The following TANC2 variants were observed in gnomAD, a reference collection of about 807,000 sequenced individuals.
TANC2 encodes the protein protein TANC2.
Under a neutral mutation model 210.5 loss-of-function variants are expected in TANC2, and 26 were observed. The observed-to-expected ratio is 0.12, with a 90% confidence interval of 0.09 to 0.17. The LOEUF (loss-of-function observed/expected upper bound fraction) is 0.17, where lower values mean the gene tolerates loss of function less well. TANC2 is among the 10% of genes least tolerant of loss of function. The probability of loss-of-function intolerance (pLI) is 1.00; values close to 1 mark genes in which losing one functional copy is unlikely to be tolerated. For missense variants in TANC2, 2,129 were observed against 2,608.9 expected (o/e 0.82, Z 4.01); for synonymous variants, 931 against 967.1 (o/e 0.96, Z 0.69).
At position 63,182,417 on chromosome 17, in the gene TANC2, C is replaced by A. The variant is rs558786738; in HGVS notation, c.434-11574C>A. The A allele has an allele frequency of 2.5e-4, 65 of 257,906 alleles. No individual in the cohort carries two copies. The East Asian group carries it at 6.1e-3, about 24-fold the overall frequency. The allele number at this position is 257,906 out of a possible 1,614,324, so 16.0% of individuals were successfully genotyped here. ...AAATGGTGGAGGAGGAGTTGGAAGT[C>A]ATTTTGACAGTTCGTTTTAGTTTGG... On this transcript the variant is annotated intron_variant, in intron 5 of 27. Transcript: ENST00000689528.
intron 11 of TANC2, among the ~76,000 whole-genome samples, chr17:63,331,814 A>G (rs1432305821): frequency 6.6e-6 from 1 of 151,756 alleles, no homozygotes; most frequent in African/African-American, 2.4e-5. Flanking sequence ...AATGAAGCCT[A>G]CAGTTTTACT....
intron 14 of TANC2, among the ~76,000 whole-genome samples, chr17:63,379,210 G>A (rs2047523965): frequency 6.6e-6 from 1 of 152,160 alleles, no homozygotes; most frequent in African/African-American, 2.4e-5. Context: ...CTGACATTTT[G>A]TGGTATTTAT....
intron 2 of TANC2, among the ~76,000 whole-genome samples, chr17:63,062,229 G>A (rs1363252361): frequency 6.6e-6 from 1 of 152,072 alleles, no homozygotes; most frequent in Non-Finnish European, 1.5e-5. Context: ...GTATGTATAA[G>A]GAGACATGTC....
intron 3 of TANC2, among the ~76,000 whole-genome samples, chr17:63,078,550 T>C (rs1023890801): frequency 6.6e-6 from 1 of 152,200 alleles, no homozygotes; most frequent in African/African-American, 2.4e-5. Flanking sequence ...TTTAGTGTTA[T>C]AAATTTCTGT....
intron 14 of TANC2, among the ~76,000 whole-genome samples, chr17:63,370,232 G>A (rs1401349636): frequency 2.9e-5 from 4 of 137,692 alleles, no homozygotes; most frequent in African/African-American, 1.1e-4. Context: ...AGGCTGGAAT[G>A]CAGTGGTGCA....
At chr17:63,226,047 C>A (rs1469112764) in intron 7 of TANC2, among the ~76,000 whole-genome samples, 1 of 152,136 alleles carries the variant, frequency 6.6e-6, no homozygotes, top group Non-Finnish European at 1.5e-5. Flanking sequence ...AGTAGACTTG[C>A]ACTAGATCTT....
chr17:63,092,653 C>T (rs928540725), intron 3 of TANC2, among the ~76,000 whole-genome samples: 1 of 151,940 alleles, frequency 6.6e-6, no homozygotes, highest in African/African-American at 2.4e-5. Context: ...GGGGAAGCCA[C>T]CTTCTCACAT....
intron 8 of TANC2, among the ~76,000 whole-genome samples, chr17:63,253,118 G>A (rs1012672459): frequency 6.6e-6 from 1 of 152,124 alleles, no homozygotes; most frequent in Non-Finnish European, 1.5e-5. Flanking sequence ...ATCTTTGCCA[G>A]CATTCATTAT....
intron 4 of TANC2, among the ~76,000 whole-genome samples, chr17:63,112,692 A>G (rs1413753683): frequency 2.0e-5 from 3 of 152,230 alleles, no homozygotes; most frequent in African/African-American, 4.8e-5. Context: ...GAATACAGAA[A>G]TGTGTGTAGA....
intron 9 of TANC2, among the ~76,000 whole-genome samples, chr17:63,275,356 T>C (rs1283217810): frequency 6.6e-6 from 1 of 152,180 alleles, no homozygotes; most frequent in Non-Finnish European, 1.5e-5. Flanking sequence ...CAAATGATAG[T>C]CTGATTCATT....
intron 7 of TANC2, among the ~76,000 whole-genome samples, chr17:63,204,954 A>G (rs2041652521): frequency 6.6e-6 from 1 of 151,834 alleles, no homozygotes; most frequent in Non-Finnish European, 1.5e-5. Flanking sequence ...GCGTGGTAGC[A>G]GGAGCCTGTA....
At chr17:63,214,807 A>G (rs1028849354) in intron 7 of TANC2, among the ~76,000 whole-genome samples, 4 of 152,218 alleles carry the variant, frequency 2.6e-5, no homozygotes, top group Admixed American at 1.3e-4. Flanking sequence ...CAAACCCAGT[A>G]CAGTCCAACC....
At chr17:63,306,852 G>A (rs1194891392) in intron 9 of TANC2, among the ~76,000 whole-genome samples, 2 of 152,160 alleles carry the variant, frequency 1.3e-5, no homozygotes, top group Non-Finnish European at 2.9e-5. Flanking sequence ...TACTTGGGAG[G>A]CTAAGGCAGG....
intron 7 of TANC2, among the ~76,000 whole-genome samples, chr17:63,214,586 A>T (rs1202988754): frequency 6.6e-6 from 1 of 152,238 alleles, no homozygotes; most frequent in East Asian, 1.9e-4. Context: ...GTGAGGGCTC[A>T]TCCCTTGTAG....
rs1258697414 is a variant in TANC2, at chr17:63,418,160, G to A, written c.4168-147G>A. 1.3e-5 allele frequency: 10 copies of A among 775,926 alleles called. No individual in the cohort carries two copies. The highest frequency in any genetic ancestry group is 8.7e-5 in the African/African-American group (5 of 57,446). The allele number at this position is 775,926 out of a possible 1,614,324, so 48.1% of individuals were successfully genotyped here. A position where few individuals can be genotyped will look rare whatever the true frequency, so the allele number is the denominator to read the frequency against. ...AAGGAACTTTCAGTCCACAGGCCACGCGGCTTGAGCCATGTCAGGCACGTC... is the reference window on the plus strand; with the variant it reads ...AAGGAACTTTCAGTCCACAGGCCACACGGCTTGAGCCATGTCAGGCACGTC... On this transcript the variant is annotated intron_variant, in intron 26 of 27. Coordinates refer to ENST00000689528, the Ensembl canonical transcript of TANC2. This position sits in a 1 kb window ranked among gnomAD's most constrained non-coding sequence, Gnocchi z 4.6.
intron 7 of TANC2, among the ~76,000 whole-genome samples, chr17:63,203,390 G>T (rs2041598250): frequency 6.6e-6 from 1 of 152,092 alleles, no homozygotes; most frequent in African/African-American, 2.4e-5. Context: ...TCGGTTACAG[G>T]ATACTATTCC....
chr17:63,369,221 AC>A (rs1207624275), intron 14 of TANC2, among the ~76,000 whole-genome samples: 1 of 152,200 alleles, frequency 6.6e-6, no homozygotes, highest in Non-Finnish European at 1.5e-5. Context: ...CCTACAAGTT[AC>A]TTTTTTGCAA....
At chr17:63,133,344 A>G (rs1389914527) in intron 4 of TANC2, among the ~76,000 whole-genome samples, 1 of 152,102 alleles carries the variant, frequency 6.6e-6, no homozygotes, top group African/African-American at 2.4e-5. Flanking sequence ...TGATCTTGTG[A>G]TCCACCCGCC....
chr17:63,354,941 T>C, exon 14 of TANC2: 1 of 1,613,904 alleles, frequency 6.2e-7, no homozygotes, highest in Non-Finnish European at 8.5e-7. Flanking sequence ...TGGACAATAC[T>C]ACATTTGGCA....
Sources: gnomAD v4.1 joint callset for allele counts (sites outside exome capture counted in the v4.1 genomes callset) on GRCh38, gnomAD v4.1.1 for gene constraint, Gnocchi (gnomAD v3.1) non-coding constraint, MANE v1.5 for transcripts, NCBI Gene and HGNC (gene_info 2026-07-23, HGNC 2026-07-21) for gene names.